The following SLC2A14 variants were observed in gnomAD, a reference collection of about 807,000 sequenced individuals.
SLC2A14 encodes the protein solute carrier family 2, facilitated glucose transporter member 14.
SLC2A14 carries 13 observed loss-of-function variants against 43.0 expected under a neutral mutation model. That is an observed-to-expected ratio of 0.30 (90% confidence interval 0.20 to 0.48). The LOEUF (loss-of-function observed/expected upper bound fraction) is 0.48, where lower values mean the gene tolerates loss of function less well. Among genes scored for constraint, SLC2A14 ranks in the 20% least tolerant of loss-of-function variants. The pLI is 0.99. For missense variants in SLC2A14, 428 were observed against 620.4 expected, an observed-to-expected ratio of 0.69 and a Z score of 3.29; for synonymous variants, 190 against 233.8, an observed-to-expected ratio of 0.81 and a Z score of 1.71.
At chr12:7,875,320 C>A (rs1377346997), upstream of SLC2A14, among the ~76,000 whole-genome samples, 4 of 147,646 alleles carry the variant, frequency 2.7e-5, no homozygotes, top group African/African-American at 1.0e-4. Flanking sequence ...CCAGCCTGCC[C>A]AACATGGCAA....
chr12:7,871,348 A>ACATGG lies in SLC2A14; in HGVS notation c.-57-1416_-57-1412dup, dbSNP rs1402852754. 6 of 753,088 alleles carry ACATGG rather than the reference A, an allele frequency of 8.0e-6. No homozygotes were observed. In the Admixed American group the frequency reaches 2.3e-4, roughly 29 times the overall value. 46.7% of individuals were successfully genotyped at this position (753,088 alleles called of 1,614,324 possible). On this transcript the variant is annotated intron_variant, in intron 1 of 10. Coordinates refer to ENST00000431042, the MANE Select transcript of SLC2A14 (RefSeq NM_001286234.2). The stretch of plus-strand genomic sequence containing the variant: ...AGGTGGAGTTCACCTGCATCCTCAT[A>ACATGG]CATGGCGCCAAGGGCAAAGATGACT...
intron 10 of SLC2A14, among the ~76,000 whole-genome samples, chr12:7,814,951 C>A (rs926860328): frequency 7.9e-5 from 12 of 151,992 alleles, no homozygotes; most frequent in African/African-American, 9.7e-5. Flanking sequence ...AGGTGCCCAC[C>A]AGCACGCCTG....
chr12:7,859,268 T>C (rs756215105), intron 2 of SLC2A14, among the ~76,000 whole-genome samples: 1 of 152,028 alleles, frequency 6.6e-6, no homozygotes, highest in African/African-American at 2.4e-5. Flanking sequence ...CGCATGCCTG[T>C]AATCCCAGCT....
At chr12:7,879,263 CAGG>C (rs1945522371) in intron 1 of SLC2A14, among the ~76,000 whole-genome samples, 1 of 149,762 alleles carries the variant, frequency 6.7e-6, no homozygotes, top group Non-Finnish European at 1.5e-5. Flanking sequence ...AGCTTGAGGC[CAGG>C]AGTTCCAGAC....
chr12:7,851,875 G>A (rs1004652312), intron 2 of SLC2A14, among the ~76,000 whole-genome samples: 2 of 152,146 alleles, frequency 1.3e-5, no homozygotes, highest in Non-Finnish European at 2.9e-5. Context: ...CACAGCCCCA[G>A]GAAAAGATTC....
upstream of SLC2A14, among the ~76,000 whole-genome samples, chr12:7,873,758 C>A (rs1945357064): frequency 6.6e-6 from 1 of 152,106 alleles, no homozygotes; most frequent in Middle Eastern, 3.2e-3. Context: ...GGAAAAGACT[C>A]TCTAGGTTTT....
chr12:7,838,639 T>C (rs1028822768), intron 2 of SLC2A14, among the ~76,000 whole-genome samples: 1 of 152,184 alleles, frequency 6.6e-6, no homozygotes, highest in African/African-American at 2.4e-5. Flanking sequence ...GATATTCAGA[T>C]GAAATTTTGG....
chr12:7,875,500 T>G (rs1196050587), upstream of SLC2A14, among the ~76,000 whole-genome samples: 1 of 149,696 alleles, frequency 6.7e-6, no homozygotes, highest in African/African-American at 2.5e-5. Context: ...AGAGTGAGAC[T>G]CCCTTTCAAA....
chr12:7,863,147 G>A (rs995338300), intron 2 of SLC2A14, among the ~76,000 whole-genome samples: 1 of 152,106 alleles, frequency 6.6e-6, no homozygotes. Context: ...GCAAAGGTCT[G>A]CAGCTTCATT....
At chr12:7,873,170 CTT>C (rs1228011757), upstream of SLC2A14, 2 of 985,714 alleles carry the variant, frequency 2.0e-6, no homozygotes, top group Non-Finnish European at 2.4e-6. Context: ...CGGGGGAACT[CTT>C]TACGGGGAAA....
Position 7,831,777 on chromosome 12 carries a change from A to T in SLC2A14, c.112-13T>A, listed in dbSNP as rs765196917. Reference sequence around the variant, plus strand: ...ATTCCTTTATGATCTGCAAAATAAAAGGTGGGAGGACAGACTATTACAGTT... The same window carrying T: ...ATTCCTTTATGATCTGCAAAATAAATGGTGGGAGGACAGACTATTACAGTT... On this transcript the variant is annotated splice_polypyrimidine_tract_variant and intron_variant, in intron 3 of 10. Coordinates refer to ENST00000431042, the MANE Select transcript of SLC2A14 (RefSeq NM_001286234.2). 2 of 1,614,060 alleles carry T rather than the reference A, an allele frequency of 1.2e-6. No individual in the cohort carries two copies. Among genetic ancestry groups the T allele is most frequent in the South Asian group, 2.2e-5 (2 of 91,066 alleles).
chr12:7,890,947 T>G, intron 1 of SLC2A14: 1 of 1,502,342 alleles, frequency 6.7e-7, no homozygotes, highest in Non-Finnish European at 8.9e-7. Context: ...GAAATCATCC[T>G]CGACATGGAC....
chr12:7,813,686 T>C lies in SLC2A14; in HGVS notation c.*630A>G, dbSNP rs1431949124. On this transcript the variant is annotated 3_prime_UTR_variant, in exon 11 of 11. Transcript: ENST00000431042. ...ATAATGAACAACATTTCTCCCTGAATTCTTATTGCACCTTAACCTCTCCAG... is the reference window on the plus strand; with the variant it reads ...ATAATGAACAACATTTCTCCCTGAACTCTTATTGCACCTTAACCTCTCCAG... 6.5e-6 allele frequency: 1 copy of C among 153,180 alleles called. No homozygotes were observed. The highest frequency in any genetic ancestry group is 1.5e-5 in the Non-Finnish European group (1 of 68,672). The allele number at this position is 153,180 out of a possible 1,614,324, so 9.5% of individuals were successfully genotyped here.
At chr12:7,864,762 TG>T (rs984163252) in intron 2 of SLC2A14, among the ~76,000 whole-genome samples, 2 of 152,206 alleles carry the variant, frequency 1.3e-5, no homozygotes, top group African/African-American at 4.8e-5. Flanking sequence ...TGAGCCGCTA[TG>T]GCCCACAAAG....
intron 7 of SLC2A14, among the ~76,000 whole-genome samples, chr12:7,823,949 T>C (rs2120709977): frequency 6.6e-6 from 1 of 152,248 alleles, no homozygotes; most frequent in East Asian, 1.9e-4. Flanking sequence ...TGTATACTTA[T>C]ATTTTCTAAA....
At chr12:7,839,710 G>A in intron 2 of SLC2A14, 1 of 382,712 alleles carries the variant, frequency 2.6e-6, no homozygotes, top group Non-Finnish European at 5.1e-6. Flanking sequence ...ATATTAAGAG[G>A]CAGGACCTTT....
upstream of SLC2A14, among the ~76,000 whole-genome samples, chr12:7,875,258 A>G (rs11056254): frequency 0.85 from 117,328 of 137,926 alleles, 50,152 homozygotes; most frequent in South Asian, 0.95. Context: ...TATATATATA[A>G]TTTCTTTGGG....
At chr12:7,886,145 G>A (rs1451397263) in intron 1 of SLC2A14, among the ~76,000 whole-genome samples, 5 of 94,998 alleles carry the variant, frequency 5.3e-5, no homozygotes, top group South Asian at 4.1e-4. Flanking sequence ...CACCACGCCC[G>A]GACAGCTTTT....
At chr12:7,870,834 C>CA in intron 1 of SLC2A14, 1 of 1,248,576 alleles carries the variant, frequency 8.0e-7, no homozygotes, top group Non-Finnish European at 1.0e-6. Flanking sequence ...GTGAAGCCCC[C>CA]ACCCACCTGA....
Sources: allele counts gnomAD v4.1 joint callset (sites outside exome capture counted in the v4.1 genomes callset), GRCh38; gene constraint gnomAD v4.1.1; transcripts MANE v1.5; gene names NCBI Gene and HGNC (gene_info 2026-07-23, HGNC 2026-07-21).